MCF2: variants seen among roughly 807,000 people sequenced by gnomAD.
MCF2 encodes the protein MCF.2 cell line derived transforming sequence, also known as proto-oncogene DBL.
MCF2 carries 44 observed loss-of-function variants against 82.5 expected under a neutral mutation model. The observed-to-expected ratio is 0.53, with a 90% CI of 0.42 to 0.69. MCF2 has a LOEUF of 0.69. MCF2 is among the 30% of genes least tolerant of loss of function. MCF2 has a pLI of 0.00. For missense variants in MCF2, 623 were observed against 663.1 expected, an observed-to-expected ratio of 0.94 and a Z score of 0.66; for synonymous variants, 217 against 224.9, an observed-to-expected ratio of 0.96 and a Z score of 0.32.
intron 1 of MCF2, among the ~76,000 whole-genome samples, chrX:139,674,658 T>C (rs958755901): frequency 2.7e-5 from 3 of 112,271 alleles, no homozygotes; most frequent in African/African-American, 9.7e-5. Context: ...GCCCCCAGTC[T>C]CCTCTGGCTG....
chrX:139,622,838 A>T (rs1932505382), intron 6 of MCF2, among the ~76,000 whole-genome samples: 1 of 110,364 alleles, frequency 9.1e-6, no homozygotes, highest in African/African-American at 3.3e-5. Flanking sequence ...ATATGTAACG[A>T]ACCTGCACAT....
At chrX:139,683,755 T>C (rs1352129248) in intron 1 of MCF2, among the ~76,000 whole-genome samples, 1 of 111,774 alleles carries the variant, frequency 8.9e-6, no homozygotes, top group East Asian at 2.8e-4. Flanking sequence ...ATAAATGATG[T>C]TGGGAAACCT....
At position 139,635,748 on chromosome X, in the gene MCF2, G is replaced by T. The variant is rs192122634; in HGVS notation, c.52-3294C>A. Among the ~76,000 whole-genome samples, 21 of 111,516 alleles carry T rather than the reference G, an allele frequency of 1.9e-4. No individual in the cohort carries two copies. In the East Asian group the frequency reaches 5.3e-3, roughly 28 times the overall value. On this transcript the variant is annotated intron_variant, in intron 1 of 24. Coordinates refer to ENST00000370576, the Ensembl canonical transcript of MCF2. The stretch of plus-strand genomic sequence containing the variant: ...CTTCTAAAATTTTTATTTTAGGTTT[G>T]GGGGTATATGCAAAGGTTACAGAGA...
chrX:139,642,353 T>C, intron 1 of MCF2: 1 of 977,735 alleles, frequency 1.0e-6, no homozygotes, highest in Non-Finnish European at 1.5e-6. Flanking sequence ...GTCTCCATTC[T>C]CTCCATCTGT....
chrX:139,674,387 C>A (rs188101835), intron 1 of MCF2, among the ~76,000 whole-genome samples: 1 of 111,312 alleles, frequency 9.0e-6, no homozygotes, highest in East Asian at 2.8e-4. Flanking sequence ...GTTACTTTGC[C>A]CATTAATTGA....
At chrX:139,691,153 C>A (rs1656359694) in intron 1 of MCF2, among the ~76,000 whole-genome samples, 1 of 111,585 alleles carries the variant, frequency 9.0e-6, no homozygotes, top group South Asian at 3.8e-4. Context: ...TCCTTCCAGA[C>A]AAACAAGAGC....
chrX:139,605,954 T>C (rs1287436879), intron 12 of MCF2, among the ~76,000 whole-genome samples, 175 bp from the exon 17 acceptor site: 1 of 106,053 alleles, frequency 9.4e-6, no homozygotes, highest in African/African-American at 3.4e-5. Context: ...ATAAAAACTA[T>C]ATATATATAT....
exon 9 of MCF2, chrX:139,616,322 A>C (rs767635811): frequency 8.7e-7 from 1 of 1,155,991 alleles, no homozygotes; most frequent in Non-Finnish European, 1.2e-6. Flanking sequence ...TTCATACTGC[A>C]GTGTTTCAGG....
At chrX:139,582,386 C>T in exon 25 of MCF2, 2 of 1,011,214 alleles carry the variant, frequency 2.0e-6, no homozygotes, top group Admixed American at 2.2e-5. Flanking sequence ...ATCATTTGAG[C>T]TCAATGTCTT....
upstream of MCF2, among the ~76,000 whole-genome samples, chrX:139,643,906 G>C (rs1259573781): frequency 9.0e-6 from 1 of 111,540 alleles, no homozygotes; most frequent in Non-Finnish European, 1.9e-5. Context: ...AATTTAATCA[G>C]GCGGGTGCAG....
At chrX:139,635,585 A>G (rs1285543563) in intron 1 of MCF2, among the ~76,000 whole-genome samples, 1 of 110,806 alleles carries the variant, frequency 9.0e-6, no homozygotes, top group African/African-American at 3.3e-5. Context: ...TGAACCCAGG[A>G]GGTGGAGGCT....
intron 13 of MCF2, 80 bp downstream of exon 17, chrX:139,605,633 T>G: frequency 1.2e-6 from 1 of 839,279 alleles, no homozygotes; most frequent in Non-Finnish European, 1.7e-6. Context: ...AAGTAGAAGA[T>G]TGCCCCTAAA....
chrX:139,702,843 G>A (rs756794137), intron 1 of MCF2, among the ~76,000 whole-genome samples: 7 of 111,978 alleles, frequency 6.3e-5, no homozygotes, highest in East Asian at 5.7e-4. Flanking sequence ...TGTGCCCTTC[G>A]GATCCTCCCT....
chrX:139,586,304 A>G (rs1196126160), intron 23 of MCF2, 74 bp downstream of exon 27: 3 of 750,437 alleles, frequency 4.0e-6, no homozygotes, highest in Non-Finnish European at 6.2e-6. Flanking sequence ...AAGTGGGTAG[A>G]TTTCCAAATT....
chrX:139,615,979 T>C (rs764588520), intron 9 of MCF2, among the ~76,000 whole-genome samples: 2 of 112,179 alleles, frequency 1.8e-5, no homozygotes, highest in South Asian at 3.7e-4. Context: ...CATTCTGTTA[T>C]AGAAGAGCTT....
At chrX:139,673,325 C>T (rs1934762697) in intron 1 of MCF2, among the ~76,000 whole-genome samples, 2 of 111,427 alleles carry the variant, frequency 1.8e-5, no homozygotes, top group South Asian at 7.6e-4. Flanking sequence ...TTCAGTTCTG[C>T]TCTGATCTTA....
At chrX:139,699,938 C>A (rs974111217) in intron 1 of MCF2, among the ~76,000 whole-genome samples, 3 of 112,046 alleles carry the variant, frequency 2.7e-5, no homozygotes, top group African/African-American at 6.5e-5. Flanking sequence ...ATTCTCAGGA[C>A]AAACTTTCCA....
At chrX:139,673,226 C>A (rs964081339) in intron 1 of MCF2, among the ~76,000 whole-genome samples, 3 of 111,556 alleles carry the variant, frequency 2.7e-5, no homozygotes, top group African/African-American at 9.8e-5. Flanking sequence ...ATTAGTCTTG[C>A]TAGCAGTCTA....
intron 16 of MCF2, 151 bp downstream of exon 20, chrX:139,602,255 G>C: frequency 2.1e-6 from 1 of 467,281 alleles, no homozygotes; most frequent in Non-Finnish European, 3.7e-6. Context: ...AAATGTGTTT[G>C]TGTGTGTTGG....
Sources: gnomAD v4.1 joint callset for allele counts (sites outside exome capture counted in the v4.1 genomes callset) on GRCh38, gnomAD v4.1.1 for gene constraint, MANE v1.5 for transcripts, NCBI Gene and HGNC (gene_info 2026-07-23, HGNC 2026-07-21) for gene names.